Variants in KANSL1 observed in about 807,000 individuals in gnomAD.
The protein encoded by KANSL1 is KAT8 regulatory NSL complex subunit 1.
Under a neutral mutation model 103.6 loss-of-function variants are expected in KANSL1, and 22 were observed. The ratio of observed to expected loss-of-function variants is 0.21; its 90% CI spans 0.15 to 0.30. The LOEUF (loss-of-function observed/expected upper bound fraction) is 0.30, where lower values mean the gene tolerates loss of function less well. KANSL1 is among the 10% of genes least tolerant of loss of function. The pLI is 1.00. For missense variants in KANSL1, 1,337 were observed against 1,399.8 expected (o/e 0.96, Z 0.72); for synonymous variants, 600 against 527.6 (o/e 1.14, Z -1.88).
At chr17:46,139,966 G>C (rs1469447977) in intron 2 of KANSL1, among the ~76,000 whole-genome samples, 1 of 152,118 alleles carries the variant, frequency 6.6e-6, no homozygotes, top group Non-Finnish European at 1.5e-5. Flanking sequence ...ATAATCCAGA[G>C]AGACAAAAAC....
chr17:46,031,538 C>A lies in KANSL1; in HGVS notation c.3256G>T (p.Val1086Phe). 6.2e-7 allele frequency: 1 copy of A among 1,614,026 alleles called. No individual in the cohort carries two copies. The highest frequency in any genetic ancestry group is 8.5e-7 in the Non-Finnish European group (1 of 1,179,994). Residue 1086 changes from valine (V) to phenylalanine (F), a missense_variant, in exon 15 of 15, where the codon GTC (valine) becomes TTC (phenylalanine). Coordinates refer to ENST00000432791, the MANE Select transcript of KANSL1 (RefSeq NM_015443.4). Reference sequence around the variant, plus strand: ...ACCAGATGCCGACTCTTGAGGGGGACAATGGGAGGCGAGGTGGGCGCTGCC... The same window carrying A: ...ACCAGATGCCGACTCTTGAGGGGGAAAATGGGAGGCGAGGTGGGCGCTGCC... ...TEAAPTSPPI[V>F]PLKSRHLVAA...
Position 46,172,113 on chromosome 17 carries a change from C to A in KANSL1, c.31G>T (p.Ala11Ser), listed in dbSNP as rs775472991. The part of the protein sequence containing the change: MAAMAPALTD[A>S]AAEAHHIRFK... ...CGGATATGGTGTGCTTCAGCTGCTG[C>A]GTCAGTGAGAGCGGGCGCCATCGCA... is the stretch of plus-strand genomic sequence containing the variant. Residue 11 changes from alanine to serine, a missense_variant, in exon 2 of 15, where the codon GCA becomes TCA. This residue lies in a region of KANSL1 where 557 missense variants were observed against 476.4 expected (regional missense o/e 1.17). Transcript: ENST00000432791. The A allele has an allele frequency of 1.9e-6, 3 of 1,609,722 alleles. No individual in the cohort carries two copies. Among genetic ancestry groups the A allele is most frequent in the Non-Finnish European group, 2.5e-6 (3 of 1,180,022 alleles).
chr17:46,087,951 G>A (rs1027635407), intron 3 of KANSL1, among the ~76,000 whole-genome samples: 7 of 152,240 alleles, frequency 4.6e-5, no homozygotes, highest in Non-Finnish European at 7.3e-5. Flanking sequence ...CTGGGTCAGT[G>A]TTGAATAGCT....
chr17:46,073,029 G>T (rs1486274782), intron 4 of KANSL1, among the ~76,000 whole-genome samples: 3 of 152,110 alleles, frequency 2.0e-5, no homozygotes, highest in Non-Finnish European at 2.9e-5. Context: ...AACACTGTGG[G>T]TCAAATATTT....
intron 2 of KANSL1, among the ~76,000 whole-genome samples, chr17:46,143,064 T>G (rs2044504871): frequency 6.6e-6 from 1 of 152,246 alleles, no homozygotes; most frequent in Non-Finnish European, 1.5e-5. Context: ...ATCCAACTCC[T>G]TAAGTACACT....
At chr17:46,077,491 C>T (rs1257586741) in intron 4 of KANSL1, among the ~76,000 whole-genome samples, 1 of 152,136 alleles carries the variant, frequency 6.6e-6, no homozygotes, top group East Asian at 1.9e-4. Context: ...AGGTCTTCAC[C>T]TTTGATTTTC....
chr17:46,143,803 C>CAAAAAAAAAAAAAAAAAAAAAAAAAAAA (rs57361021), intron 2 of KANSL1, among the ~76,000 whole-genome samples: 1 of 85,536 alleles, frequency 1.2e-5, no homozygotes, highest in Non-Finnish European at 2.0e-5. Context: ...GACTCCATCT[C>CAAAAAAAAAAAAAAAAAAAAAAAAAAAA]AAAAAAAAAA....
At chr17:46,138,957 C>T (rs1295017260) in intron 2 of KANSL1, among the ~76,000 whole-genome samples, 1 of 152,220 alleles carries the variant, frequency 6.6e-6, no homozygotes, top group East Asian at 1.9e-4. Context: ...CTCAACTACC[C>T]CCAGTGGCTT....
chr17:46,160,792 C>G (rs1489534066), intron 2 of KANSL1, among the ~76,000 whole-genome samples: 1 of 152,180 alleles, frequency 6.6e-6, no homozygotes, highest in Non-Finnish European at 1.5e-5. Flanking sequence ...TGGTAGACCT[C>G]TTTTCATCAA....
chr17:46,041,878 T>TATTTTGTGTGTGTGTGTGTG (rs1555734994), intron 7 of KANSL1: 1 of 122,648 alleles, frequency 8.2e-6, no homozygotes, highest in African/African-American at 2.8e-5. Context: ...GAAATTTATT[T>TATTTTGTGTGTGTGTGTGTG]TGTGTGTGTG....
At chr17:46,188,626 G>GTA (rs2047145057) in intron 1 of KANSL1, among the ~76,000 whole-genome samples, 1 of 152,202 alleles carries the variant, frequency 6.6e-6, no homozygotes, top group African/African-American at 2.4e-5. Flanking sequence ...TAAGTAAAGA[G>GTA]GCACTAAGGT....
rs759846708 is a variant in KANSL1, at chr17:46,171,613, A to G, written c.531T>C (p.Asn177=). 1.9e-5 allele frequency: 30 copies of G among 1,578,028 alleles called. No homozygotes were observed. Among genetic ancestry groups the G allele is most frequent in the Non-Finnish European group, 2.4e-5 (28 of 1,165,640 alleles). ...HSDHDNSTSL[N]GGKRALTSSA... ...ATGAAGTGAGAGCCCGTTTTCCCCC[A>G]TTGAGGGAAGTGGAATTGTCATGAT... Residue 177 remains asparagine (N), a synonymous_variant, in exon 2 of 15, where the codon AAT becomes AAC. Transcript: ENST00000432791.
chr17:46,080,626 T>C (rs62060851), intron 4 of KANSL1, among the ~76,000 whole-genome samples: 21,762 of 152,118 alleles, frequency 0.14, 2,111 homozygotes, highest in Non-Finnish European at 0.22. Context: ...AAAATTTAAG[T>C]CAATAGCTTT....
At chr17:46,175,382 C>T in intron 1 of KANSL1, among the ~76,000 whole-genome samples, 1 of 151,540 alleles carries the variant, frequency 6.6e-6, no homozygotes, top group Middle Eastern at 3.2e-3. Flanking sequence ...TGTAGTCTCG[C>T]TCTGTCGCCC....
chr17:46,185,692 T>TACACACACACACAC (rs58833932), intron 1 of KANSL1, among the ~76,000 whole-genome samples: 3 of 144,410 alleles, frequency 2.1e-5, no homozygotes, highest in Admixed American at 6.7e-5. Flanking sequence ...CACACATATA[T>TACACACACACACAC]ACACACACAC....
At chr17:46,129,361 G>C (rs1346441856) in intron 2 of KANSL1, among the ~76,000 whole-genome samples, 1 of 152,228 alleles carries the variant, frequency 6.6e-6, no homozygotes, top group Non-Finnish European at 1.5e-5. Context: ...ATGTTTCACT[G>C]AACTTGCAAA....
At chr17:46,148,415 CT>C (rs2044856459) in intron 2 of KANSL1, among the ~76,000 whole-genome samples, 1 of 152,204 alleles carries the variant, frequency 6.6e-6, no homozygotes, top group African/African-American at 2.4e-5. Flanking sequence ...AAACCCACCC[CT>C]AACCATAAAC....
chr17:46,188,509 G>A (rs1427207341), intron 1 of KANSL1, among the ~76,000 whole-genome samples: 2 of 152,220 alleles, frequency 1.3e-5, no homozygotes, highest in Non-Finnish European at 2.9e-5. Context: ...TCCAATTTTA[G>A]GAAAAAGACA....
chr17:46,110,823 C>G (rs2042771511), intron 2 of KANSL1, among the ~76,000 whole-genome samples: 1 of 152,016 alleles, frequency 6.6e-6, no homozygotes, highest in Non-Finnish European at 1.5e-5. Flanking sequence ...GAAAGCAGGT[C>G]AAGCATGGAA....
Sources: gnomAD v4.1 joint callset for allele counts (sites outside exome capture counted in the v4.1 genomes callset) on GRCh38, gnomAD v4.1.1 for gene constraint, gnomAD v4.1.1 regional missense constraint, MANE v1.5 for transcripts, NCBI Gene and HGNC (gene_info 2026-07-23, HGNC 2026-07-21) for gene names.